NBPF14: variants seen among roughly 807,000 people sequenced by gnomAD.
NBPF14 encodes the protein NBPF family member NBPF14.
Under a neutral mutation model 91.2 loss-of-function variants are expected in NBPF14, and 104 were observed. The observed-to-expected ratio is 1.14, with a 90% confidence interval of 0.97 to 1.34. The LOEUF (loss-of-function observed/expected upper bound fraction) is 1.34. Ranked by LOEUF, NBPF14 falls within the 40% of genes most tolerant of loss-of-function variation. NBPF14 has a pLI of 0.00. For missense variants in NBPF14, 908 were observed against 783.0 expected, an observed-to-expected ratio of 1.16 and a Z score of -1.91; for synonymous variants, 294 against 303.8, an observed-to-expected ratio of 0.97 and a Z score of 0.34.
At chr1:148,534,306 T>A (rs1389757338) in intron 69 of NBPF14, among the ~76,000 whole-genome samples, 1 of 151,808 alleles carries the variant, frequency 6.6e-6, no homozygotes, top group Non-Finnish European at 1.5e-5. Flanking sequence ...TTTAGCCCTG[T>A]CTCATCAAAT....
At chr1:148,534,933 A>G in intron 68 of NBPF14, 77 bp from the exon 69 acceptor site, 1 of 743,222 alleles carries the variant, frequency 1.3e-6, no homozygotes. Context: ...TTTCATGGCT[A>G]ACATAAGGAA....
chr1:148,572,324 A>G, intron 21 of NBPF14, 119 bp downstream of exon 21: 2 of 254,704 alleles, frequency 7.9e-6, no homozygotes, highest in Non-Finnish European at 1.3e-5. Context: ...ATATGCGCCC[A>G]TAGGTCCTGC....
intron 68 of NBPF14, 51 bp from the exon 69 acceptor site, chr1:148,534,907 C>T: frequency 1.4e-6 from 1 of 719,334 alleles, no homozygotes; most frequent in South Asian, 1.5e-5. Flanking sequence ...TCAGAAACCA[C>T]ACAGCCCCAG....
rs1436808320 is a variant in NBPF14 at position 148,578,037 on chromosome 1, G to A, written c.1802-3C>T. ...TTTCACTTGATCCCACCGATGTCCT[G>A]CAAATAAATTCAGATGTGCCCTCTT... On this transcript the variant is annotated splice_polypyrimidine_tract_variant and splice_region_variant and intron_variant, in intron 13 of 70. Coordinates refer to ENST00000619423, the Ensembl canonical transcript of NBPF14. 5.7e-6 allele frequency: 4 copies of A among 705,456 alleles called. No homozygotes were observed. The highest frequency in any genetic ancestry group is 3.1e-5 in the South Asian group (2 of 64,786). The allele number at this position is 705,456 out of a possible 1,614,324, so 43.7% of individuals were successfully genotyped here.
chr1:148,536,275 CA>C lies in NBPF14; in HGVS notation c.8337del (p.Ser2779ArgfsTer70), dbSNP rs1655206296. On this transcript the variant is annotated frameshift_variant, in exon 67 of 71. Coordinates refer to ENST00000619423, the Ensembl canonical transcript of NBPF14. LOFTEE classifies it high-confidence loss of function. Reference sequence around the variant, plus strand: ...CGCTGTTGCTCCAATACATAAAAGGCACTTCTGTAGGGCTGGCATGAGTCAG... The same window carrying C: ...CGCTGTTGCTCCAATACATAAAAGGCCTTCTGTAGGGCTGGCATGAGTCAG... 1 of 533,486 alleles carries C rather than the reference CA, an allele frequency of 1.9e-6. No individual in the cohort carries two copies. 33.0% of individuals were successfully genotyped at this position (533,486 alleles called of 1,614,324 possible). A position where few individuals can be genotyped will look rare whatever the true frequency, so the allele number is the denominator to read the frequency against.
At chr1:148,580,800 C>CT (rs1257563102) in intron 12 of NBPF14, among the ~76,000 whole-genome samples, 25,202 of 74,482 alleles carry the variant, frequency 0.34, 6,117 homozygotes, top group East Asian at 0.57. Context: ...ATTCAACATT[C>CT]TTTTTTTTTT....
rs1659595895 is a variant in NBPF14 at position 148,575,852 on chromosome 1, T to G, written c.2079-41A>C. 15 of 304,558 alleles carry G rather than the reference T, an allele frequency of 4.9e-5. No homozygotes were observed. In the African/African-American group the frequency reaches 1.1e-3, roughly 22 times the overall value. 18.9% of individuals were successfully genotyped at this position (304,558 alleles called of 1,614,324 possible). ...AAAGTAAAGAATAAGCCAGGGGGAA[T>G]CAGAAACCACACAGCCCCAGCTAGA... is the stretch of plus-strand genomic sequence containing the variant. On this transcript the variant is annotated intron_variant, in intron 16 of 70. Transcript: ENST00000619423.
chr1:148,578,064 C>T (rs1660273225), intron 13 of NBPF14, 30 bp from the exon 14 acceptor site: 1 of 669,668 alleles, frequency 1.5e-6, no homozygotes, highest in Non-Finnish European at 2.7e-6. Flanking sequence ...TGCCCTCTTA[C>T]ATTAAGTTCT....
intron 15 of NBPF14, 107 bp from the exon 16 acceptor site, chr1:148,576,568 A>T (rs2149533508): frequency 5.1e-6 from 2 of 394,624 alleles, no homozygotes; most frequent in East Asian, 5.4e-5. Context: ...CCTCAGCATG[A>T]GAATAGGACA....
chr1:148,533,384 A>G, intron 70 of NBPF14, 136 bp from the exon 71 acceptor site: 1 of 575,004 alleles, frequency 1.7e-6, no homozygotes. Flanking sequence ...TAAAAAAAAA[A>G]TTTATTGCCT....
At chr1:148,533,382 A>T in intron 70 of NBPF14, 134 bp from the exon 71 acceptor site, 1 of 559,500 alleles carries the variant, frequency 1.8e-6, no homozygotes, top group Non-Finnish European at 3.1e-6. Flanking sequence ...GGTAAAAAAA[A>T]AATTTATTGC....
At chr1:148,573,113 A>G in intron 20 of NBPF14, 117 bp downstream of exon 20, 1 of 55,704 alleles carries the variant, frequency 1.8e-5, no homozygotes, top group East Asian at 3.3e-4. Flanking sequence ...CAGCAATGAC[A>G]GTAGGAGTAA....
chr1:148,572,736 G>A lies in NBPF14; in HGVS notation c.2586-121C>T, dbSNP rs1190826966. 8.0e-5 allele frequency: 47 copies of A among 589,684 alleles called. 3 individuals are homozygous for A. The East Asian group carries it at 1.4e-3, about 17-fold the overall frequency. 36.5% of individuals were successfully genotyped at this position (589,684 alleles called of 1,614,324 possible). The stretch of plus-strand genomic sequence containing the variant: ...AAAGAAAAAGGACAGATCCATTAAT[G>A]AGGTAACAAATTATTGCCTTTATGT... On this transcript the variant is annotated intron_variant, in intron 20 of 70. Transcript: ENST00000619423.
rs1427195464 is a variant in NBPF14, at chr1:148,566,514, CACACACACACACACACACACACACACAA to C, written c.3543-227_3543-200del. ...AGAATGAAAGAGAAAGACAGACACACACACACACACACACACACACACACACAAACACACACACACACACAGAGAACGA... is the reference window on the plus strand; with the variant it reads ...AGAATGAAAGAGAAAGACAGACACACACACACACACACACACAGAGAACGA... On this transcript the variant is annotated intron_variant, in intron 28 of 70. Coordinates refer to ENST00000619423, the Ensembl canonical transcript of NBPF14. Among the ~76,000 whole-genome samples, 5 of 123,702 alleles carry C rather than the reference CACACACACACACACACACACACACACAA, an allele frequency of 4.0e-5. 1 individual carries two copies. The highest frequency in any genetic ancestry group is 9.3e-5 in the Non-Finnish European group (5 of 53,596). 81.2% of individuals were successfully genotyped at this position (123,702 alleles called of 152,430 possible).
At chr1:148,577,286 T>G (rs1463088506) in exon 15 of NBPF14, 1 of 614,044 alleles carries the variant, frequency 1.6e-6, no homozygotes, top group Non-Finnish European at 2.9e-6. Context: ...CTGAAGGAGT[T>G]GAATAACATC....
intron 16 of NBPF14, among the ~76,000 whole-genome samples, chr1:148,576,053 C>T (rs1222717824): frequency 1.0e-4 from 15 of 146,238 alleles, no homozygotes; most frequent in African/African-American, 3.9e-4. Flanking sequence ...GCGAATTGGC[C>T]GGGTGACACA....
chr1:148,535,260 T>C (rs1206698182), intron 68 of NBPF14, among the ~76,000 whole-genome samples, 193 bp downstream of exon 68: 1 of 150,570 alleles, frequency 6.6e-6, no homozygotes, highest in African/African-American at 2.5e-5. Context: ...CAACCTACAG[T>C]AAGTGAGTAA....
chr1:148,574,532 T>TA (rs1659517830), intron 18 of NBPF14, among the ~76,000 whole-genome samples: 1 of 6,206 alleles, frequency 1.6e-4, no homozygotes. Context: ...GATGAGGGAG[T>TA]AACAGGACAC....
chr1:148,577,866 T>C lies in NBPF14; in HGVS notation c.1853+117A>G, dbSNP rs1324494706. The stretch of plus-strand genomic sequence containing the variant: ...GAACCAAAAAGCAATGTAGTAGGCA[T>C]AATTCAGACTTGTCTGACAAGACAA... On this transcript the variant is annotated intron_variant, in intron 14 of 70. Transcript: ENST00000619423. The C allele has an allele frequency of 1.1e-4, 66 of 593,948 alleles. No homozygotes were observed. The East Asian group carries it at 1.6e-3, about 14-fold the overall frequency. 36.8% of individuals were successfully genotyped at this position (593,948 alleles called of 1,614,324 possible).
Sources: allele counts gnomAD v4.1 joint callset (sites outside exome capture counted in the v4.1 genomes callset), GRCh38; gene constraint gnomAD v4.1.1; transcripts MANE v1.5; gene names NCBI Gene and HGNC (gene_info 2026-07-23, HGNC 2026-07-21).